The following LINGO2 variants were observed in gnomAD, a reference collection of about 807,000 sequenced individuals.
LINGO2 encodes leucine-rich repeat and immunoglobulin-like domain-containing nogo receptor-interacting protein 2.
LINGO2 carries 14 observed loss-of-function variants against 30.6 expected under a neutral mutation model. That is an observed-to-expected ratio of 0.46 (90% CI 0.30 to 0.72). The LOEUF is 0.72. LINGO2 is among the 30% of genes least tolerant of loss of function. The pLI is 0.07. For missense variants in LINGO2, 729 were observed against 751.7 expected (o/e 0.97, Z 0.35); for synonymous variants, 317 against 288.5 (o/e 1.10, Z -1.00).
At chr9:28,889,773 T>C in the LINGO2 span, among the ~76,000 whole-genome samples, 2 of 152,086 alleles carry the variant, frequency 1.3e-5, no homozygotes, top group Non-Finnish European at 1.5e-5. Flanking sequence ...TCTCAGACTC[T>C]AGCTCTAACG....
At chr9:28,578,433 G>A (rs1236106326) in intron 1 of LINGO2, among the ~76,000 whole-genome samples, 3 of 152,030 alleles carry the variant, frequency 2.0e-5, no homozygotes, top group Non-Finnish European at 4.4e-5. Flanking sequence ...TATGCGCATT[G>A]TGCAATAGCT....
the LINGO2 span, among the ~76,000 whole-genome samples, chr9:28,691,650 A>G: frequency 6.6e-6 from 1 of 152,206 alleles, no homozygotes; most frequent in African/African-American, 2.4e-5. Flanking sequence ...CCATCATAGT[A>G]GTGATCTTGA....
At chr9:28,198,080 C>T (rs866054779) in intron 4 of LINGO2, among the ~76,000 whole-genome samples, 1 of 145,458 alleles carries the variant, frequency 6.9e-6, no homozygotes, top group African/African-American at 2.5e-5. Context: ...ATTACATTCA[C>T]TTTTTTTTTT....
the LINGO2 span, among the ~76,000 whole-genome samples, chr9:28,743,299 A>G: frequency 6.6e-6 from 1 of 151,980 alleles, no homozygotes; most frequent in Admixed American, 6.6e-5. Flanking sequence ...CCTGTCATCT[A>G]CATTAGGTAT....
chr9:29,191,598 C>T, the LINGO2 span, among the ~76,000 whole-genome samples: 2 of 152,044 alleles, frequency 1.3e-5, no homozygotes, highest in Admixed American at 1.3e-4. Flanking sequence ...TCTGCAGGGT[C>T]TTAAACTGCT....
At chr9:28,883,053 G>A in the LINGO2 span, among the ~76,000 whole-genome samples, 1 of 152,092 alleles carries the variant, frequency 6.6e-6, no homozygotes, top group Admixed American at 6.6e-5. Flanking sequence ...CAAGTCCTTA[G>A]AATAAAAACC....
chr9:28,624,637 T>C (rs1826576266), intron 1 of LINGO2, among the ~76,000 whole-genome samples: 1 of 151,832 alleles, frequency 6.6e-6, no homozygotes, highest in African/African-American at 2.4e-5. Context: ...TTTTCTTTTT[T>C]TTTAATGTGT....
At chr9:28,867,874 T>G in the LINGO2 span, among the ~76,000 whole-genome samples, 2 of 152,116 alleles carry the variant, frequency 1.3e-5, no homozygotes, top group African/African-American at 4.8e-5. Flanking sequence ...AAACATAAAG[T>G]TTGAATTATA....
At chr9:28,217,722 G>A (rs981856983) in intron 4 of LINGO2, among the ~76,000 whole-genome samples, 3 of 151,860 alleles carry the variant, frequency 2.0e-5, no homozygotes, top group African/African-American at 7.3e-5. Context: ...CTTATAATGG[G>A]TCTTGGTCCG....
At chr9:28,719,660 C>T in the LINGO2 span, among the ~76,000 whole-genome samples, 19 of 151,968 alleles carry the variant, frequency 1.3e-4, no homozygotes, top group Admixed American at 1.2e-3. Context: ...AAAATTCATT[C>T]TTCTTCTCAT....
the LINGO2 span, among the ~76,000 whole-genome samples, chr9:29,066,329 A>T: frequency 2.2e-3 from 342 of 152,106 alleles, 4 homozygotes; most frequent in Middle Eastern, 0.027. Flanking sequence ...TGTACTAAAC[A>T]TGCTGTCAGC....
the LINGO2 span, among the ~76,000 whole-genome samples, chr9:28,872,454 A>G: frequency 1.3e-5 from 2 of 152,264 alleles, no homozygotes; most frequent in East Asian, 3.9e-4. Context: ...AAATGAAGTT[A>G]TCTTTTGAGA....
chr9:27,952,465 A>T (rs946986593), intron 5 of LINGO2, among the ~76,000 whole-genome samples: 1 of 152,022 alleles, frequency 6.6e-6, no homozygotes, highest in Non-Finnish European at 1.5e-5. Context: ...GTTCATTTGG[A>T]AGAAAACATA....
chr9:28,759,660 C>T, the LINGO2 span, among the ~76,000 whole-genome samples: 1 of 149,132 alleles, frequency 6.7e-6, no homozygotes, highest in Non-Finnish European at 1.5e-5. Context: ...CCAGCCTGGG[C>T]GATAGAGCAA....
intron 4 of LINGO2, among the ~76,000 whole-genome samples, chr9:28,273,905 C>T (rs1395079768): frequency 6.6e-6 from 1 of 152,126 alleles, no homozygotes; most frequent in Non-Finnish European, 1.5e-5. Context: ...TTACCAGACA[C>T]AGCAATATTC....
At chr9:29,097,589 C>T in the LINGO2 span, among the ~76,000 whole-genome samples, 2 of 138,212 alleles carry the variant, frequency 1.4e-5, no homozygotes, top group African/African-American at 5.4e-5. Flanking sequence ...TACTGTTACA[C>T]CAATAAAGAT....
chr9:28,304,021 C>T (rs1042542515), intron 3 of LINGO2, among the ~76,000 whole-genome samples: 3 of 151,914 alleles, frequency 2.0e-5, no homozygotes, highest in Non-Finnish European at 4.4e-5. Context: ...AGGATAGATG[C>T]ATAACAATGA....
the LINGO2 span, among the ~76,000 whole-genome samples, chr9:28,738,525 A>G: frequency 6.6e-6 from 1 of 152,106 alleles, no homozygotes; most frequent in African/African-American, 2.4e-5. Context: ...TTTGATTAAA[A>G]ATAAGACTGA....
chr9:28,615,439 T>C (rs1382118081), intron 1 of LINGO2, among the ~76,000 whole-genome samples: 2 of 152,178 alleles, frequency 1.3e-5, no homozygotes, highest in South Asian at 2.1e-4. Flanking sequence ...GCAGTGATGC[T>C]GCCTTAATGA....
Sources: gnomAD v4.1 joint callset for allele counts (sites outside exome capture counted in the v4.1 genomes callset) on GRCh38, gnomAD v4.1.1 for gene constraint, MANE v1.5 for transcripts, NCBI Gene and HGNC (gene_info 2026-07-23, HGNC 2026-07-21) for gene names.